KCNAB2: variants seen among roughly 807,000 people sequenced by gnomAD.
KCNAB2 encodes potassium voltage-gated channel subfamily A regulatory beta subunit 2.
In KCNAB2, 29 loss-of-function variants were observed where a neutral mutation model predicts 63.6. The ratio of observed to expected loss-of-function variants is 0.46; its 90% confidence interval spans 0.34 to 0.62. KCNAB2 has a LOEUF of 0.62. Ranked by LOEUF, KCNAB2 falls within the 20% of genes least tolerant of loss-of-function variation. The pLI is 0.01. For synonymous variants in KCNAB2, 222 were observed against 224.2 expected (o/e 0.99, Z 0.09); for missense variants, 359 against 563.9 (o/e 0.64, Z 3.68).
chr1:6,058,672 G>A (rs942566732), intron 2 of KCNAB2, among the ~76,000 whole-genome samples: 6 of 152,210 alleles, frequency 3.9e-5, no homozygotes, highest in Non-Finnish European at 1.5e-5. Flanking sequence ...GGTCTCACTC[G>A]TGCACCTAGT....
upstream of KCNAB2, among the ~76,000 whole-genome samples, chr1:6,033,053 C>T (rs971824004): frequency 6.6e-6 from 1 of 152,072 alleles, no homozygotes; most frequent in Non-Finnish European, 1.5e-5. Flanking sequence ...GAGGATCAGG[C>T]GATATTGAAC....
intron 1 of KCNAB2, among the ~76,000 whole-genome samples, chr1:6,001,423 G>A (rs537146693): frequency 1.1e-4 from 16 of 152,286 alleles, no homozygotes; most frequent in Admixed American, 2.6e-4. Flanking sequence ...CTAAGCCTCC[G>A]GGGGTGCCAC....
At chr1:6,019,342 C>T (rs946618312) in intron 1 of KCNAB2, among the ~76,000 whole-genome samples, 2 of 152,070 alleles carry the variant, frequency 1.3e-5, no homozygotes, top group South Asian at 2.1e-4. Context: ...GTTCTTAGCT[C>T]GAGGGCTGCA....
Position 6,072,742 on chromosome 1 carries a change from G to T in KCNAB2, c.219-13G>T. On this transcript the variant is annotated splice_polypyrimidine_tract_variant and intron_variant, in intron 2 of 15. Coordinates refer to ENST00000378083, the MANE Select transcript of KCNAB2 (RefSeq NM_001199862.2). The stretch of plus-strand genomic sequence containing the variant: ...CCTGGGTGCTGAGAACTCACGTGGC[G>T]TTTGTTTTTCAGGAACCTGGGCAAG... 1.2e-6 allele frequency: 2 copies of T among 1,613,794 alleles called. No homozygotes were observed. Among genetic ancestry groups the T allele is most frequent in the Non-Finnish European group, 1.7e-6 (2 of 1,179,798 alleles).
chr1:6,094,547 G>A, intron 11 of KCNAB2, 62 bp downstream of exon 11: 2 of 1,395,820 alleles, frequency 1.4e-6, no homozygotes, highest in Middle Eastern at 2.1e-4. Context: ...GCTGCGTATG[G>A]AGACCCCAAA....
intron 1 of KCNAB2, among the ~76,000 whole-genome samples, chr1:6,020,476 C>T (rs1468666411): frequency 6.6e-6 from 1 of 152,068 alleles, no homozygotes; most frequent in African/African-American, 2.4e-5. Flanking sequence ...CAGCCTCTTC[C>T]ATGACAAGAA....
intron 1 of KCNAB2, among the ~76,000 whole-genome samples, chr1:6,001,713 GC>G (rs1657273326): frequency 6.6e-6 from 1 of 152,162 alleles, no homozygotes; most frequent in African/African-American, 2.4e-5. Flanking sequence ...CTCTAACGCA[GC>G]CCGGAACACA....
At chr1:6,057,797 C>T (rs1184269460) in intron 2 of KCNAB2, among the ~76,000 whole-genome samples, 2 of 152,106 alleles carry the variant, frequency 1.3e-5, no homozygotes, top group Admixed American at 6.5e-5. Context: ...CTGCCTCTGC[C>T]GTCCCATGGC....
Position 6,098,511 on chromosome 1 carries a change from T to A in KCNAB2, c.1185T>A (p.Ile395=), listed in dbSNP as rs778572157. 6.2e-7 allele frequency: 1 copy of A among 1,613,958 alleles called. No homozygotes were observed. The highest frequency in any genetic ancestry group is 1.1e-5 in the South Asian group (1 of 91,068). Reference sequence around the variant, plus strand: ...TCCTTCCGAAACTGTCATCTTCCATTATCCACGAGATTGATAGTATTTTGG... The same window carrying A: ...TCCTTCCGAAACTGTCATCTTCCATAATCCACGAGATTGATAGTATTTTGG... ...IQVLPKLSSS[I]IHEIDSILGN... is the part of the protein sequence containing the mutation. Residue 395 remains isoleucine (I), a synonymous_variant, in exon 16 of 16, where the codon ATT becomes ATA. Transcript: ENST00000378083.
At position 6,024,653 on chromosome 1, in the gene KCNAB2, C is replaced by T. The variant is rs978292927; in HGVS notation, c.-52-15864C>T. On this transcript the variant is annotated intron_variant, in intron 1 of 16. Transcript: ENST00000341524. The surrounding 1 kb of genome is among the most constrained non-coding windows in gnomAD (Gnocchi z 5.4). Reference sequence around the variant, plus strand: ...ATCTGCAGCTGTGGTCTGTGATAGCCGTGAATACAGTCTGTGTTTGGAGAC... The same window carrying T: ...ATCTGCAGCTGTGGTCTGTGATAGCTGTGAATACAGTCTGTGTTTGGAGAC... 2.0e-5 allele frequency among the ~76,000 whole-genome samples: 3 copies of T among 152,108 alleles called. No individual in the cohort carries two copies. The highest frequency in any genetic ancestry group is 2.1e-4 in the South Asian group (1 of 4,822).
At chr1:6,056,738 A>G (rs1426820562) in intron 2 of KCNAB2, among the ~76,000 whole-genome samples, 2 of 152,124 alleles carry the variant, frequency 1.3e-5, no homozygotes, top group African/African-American at 4.8e-5. Context: ...CTGTATCCCC[A>G]AAGGGGAACT....
At chr1:6,039,109 G>T (rs183323587) in intron 1 of KCNAB2, among the ~76,000 whole-genome samples, 7 of 152,208 alleles carry the variant, frequency 4.6e-5, no homozygotes, top group Non-Finnish European at 1.0e-4. Context: ...GGAGCAGCAG[G>T]GACCCCTGAG....
intron 7 of KCNAB2, among the ~76,000 whole-genome samples, chr1:6,088,232 CT>C (rs70981312): frequency 0.5 from 59,209 of 118,872 alleles, 13,772 homozygotes; most frequent in East Asian, 0.59. Context: ...CTCTCTCTCT[CT>C]TTTTTTTTTT....
At chr1:6,008,101 C>T (rs1657931713) in intron 1 of KCNAB2, among the ~76,000 whole-genome samples, 1 of 152,172 alleles carries the variant, frequency 6.6e-6, no homozygotes, top group South Asian at 2.1e-4. Context: ...AATGGGGAGG[C>T]GAACCTGGAG....
intron 2 of KCNAB2, among the ~76,000 whole-genome samples, chr1:6,066,808 T>C (rs1662792975): frequency 6.6e-6 from 1 of 152,178 alleles, no homozygotes; most frequent in South Asian, 2.1e-4. Flanking sequence ...AGGGCCCAAT[T>C]CCTCTAGCAG....
At position 6,073,845 on chromosome 1, in the gene KCNAB2, G is replaced by T. The variant is rs1283437686; in HGVS notation, c.300+75G>T. 6.8e-7 allele frequency: 1 copy of T among 1,472,166 alleles called. No individual in the cohort carries two copies. Among genetic ancestry groups the T allele is most frequent in the East Asian group, 2.3e-5 (1 of 43,814 alleles). 91.2% of individuals were successfully genotyped at this position (1,472,166 alleles called of 1,614,324 possible). On this transcript the variant is annotated intron_variant, in intron 4 of 15. Transcript: ENST00000378083. The surrounding 1 kb of genome is among the most constrained non-coding windows in gnomAD (Gnocchi z 5.7). Reference sequence around the variant, plus strand: ...AGCACATGGTTAAGTCTGCCGCGTGGACCAGTGAGCACGTGCTCCCGGGAG... The same window carrying T: ...AGCACATGGTTAAGTCTGCCGCGTGTACCAGTGAGCACGTGCTCCCGGGAG...
At chr1:6,060,134 G>T (rs1662187831) in intron 2 of KCNAB2, among the ~76,000 whole-genome samples, 1 of 152,208 alleles carries the variant, frequency 6.6e-6, no homozygotes, top group Non-Finnish European at 1.5e-5. Context: ...TGCCTCACAG[G>T]CTCCCGCCAT....
chr1:6,005,073 A>G (rs184864400), intron 1 of KCNAB2, among the ~76,000 whole-genome samples: 56 of 2,346 alleles, frequency 0.024, 3 homozygotes, highest in Admixed American at 0.059. Flanking sequence ...AGTGGGGGAC[A>G]TGGAAGCTGA....
chr1:6,075,571 G>C (rs538360358), intron 4 of KCNAB2, among the ~76,000 whole-genome samples: 73 of 152,324 alleles, frequency 4.8e-4, no homozygotes, highest in South Asian at 2.3e-3. Context: ...CCTATAGTTA[G>C]TGTCAAAAAA....
Sources: allele counts gnomAD v4.1 joint callset (sites outside exome capture counted in the v4.1 genomes callset), GRCh38; gene constraint gnomAD v4.1.1; non-coding constraint Gnocchi (gnomAD v3.1); transcripts MANE v1.5; gene names NCBI Gene and HGNC (gene_info 2026-07-23, HGNC 2026-07-21).